Variants in ADCYAP1R1 observed in about 807,000 individuals in gnomAD.
ADCYAP1R1 encodes ADCYAP receptor type I.
Under a neutral mutation model 67.6 loss-of-function variants are expected in ADCYAP1R1, and 44 were observed. That is an observed-to-expected ratio of 0.65 (90% CI 0.51 to 0.84). ADCYAP1R1 has a LOEUF of 0.84. ADCYAP1R1 is among the 40% of genes least tolerant of loss of function. The probability of loss-of-function intolerance (pLI) is 0.00; values close to 1 mark genes in which losing one functional copy is unlikely to be tolerated. For synonymous variants in ADCYAP1R1, 222 were observed against 219.6 expected, an observed-to-expected ratio of 1.01 and a Z score of -0.10; for missense variants, 477 against 587.9, an observed-to-expected ratio of 0.81 and a Z score of 1.95.
At chr7:31,067,369 A>G (rs189553547) in intron 3 of ADCYAP1R1, among the ~76,000 whole-genome samples, 92 of 151,998 alleles carry the variant, frequency 6.1e-4, no homozygotes, top group Admixed American at 1.6e-3. Flanking sequence ...TGGACCACCA[A>G]CTCCATGACC....
intron 3 of ADCYAP1R1, among the ~76,000 whole-genome samples, chr7:31,066,863 G>T (rs1421589874): frequency 6.6e-6 from 1 of 152,238 alleles, no homozygotes; most frequent in African/African-American, 2.4e-5. Flanking sequence ...TCCACAAGAG[G>T]CAGGAGCCTG....
In ADCYAP1R1 at chr7:31,102,048, C is replaced by T. The variant is rs1796461047; in HGVS notation, c.1047-1189C>T. ...CCTCTCTGAATGTAAGCTAGGAAGT[C>T]AAGGGCCTCACACAGACTCCAAGAG... On this transcript the variant is annotated intron_variant, in intron 13 of 15. Coordinates refer to ENST00000304166, the MANE Select transcript of ADCYAP1R1 (RefSeq NM_001118.5). The surrounding 1 kb of genome is among the most constrained non-coding windows in gnomAD (Gnocchi z 4.3). 6.6e-6 allele frequency among the ~76,000 whole-genome samples: 1 copy of T among 152,224 alleles called. No individual in the cohort carries two copies. The highest frequency in any genetic ancestry group is 2.4e-5 in the African/African-American group (1 of 41,460).
chr7:31,063,503 C>G (rs578092058), intron 2 of ADCYAP1R1, among the ~76,000 whole-genome samples, 188 bp downstream of exon 2: 83 of 152,344 alleles, frequency 5.4e-4, no homozygotes, highest in African/African-American at 1.9e-3. Context: ...AGACCCTGTA[C>G]TGATTTGACC....
intron 1 of ADCYAP1R1, among the ~76,000 whole-genome samples, chr7:31,061,297 C>T (rs571032116): frequency 7.6e-4 from 116 of 152,370 alleles, no homozygotes; most frequent in Non-Finnish European, 1.1e-3. Flanking sequence ...TCCCTCGCAG[C>T]CAGGCAAGTC....
At chr7:31,071,402 C>T (rs923188617) in intron 3 of ADCYAP1R1, among the ~76,000 whole-genome samples, 56 of 152,136 alleles carry the variant, frequency 3.7e-4, no homozygotes, top group African/African-American at 1.1e-3. Flanking sequence ...CTCCCCATGT[C>T]CCCCAGTGGG....
intron 12 of ADCYAP1R1, among the ~76,000 whole-genome samples, chr7:31,091,341 A>G (rs1054310001): frequency 1.3e-5 from 2 of 152,178 alleles, no homozygotes; most frequent in African/African-American, 4.8e-5. Context: ...ATAATTTGCA[A>G]ATATATTCTC....
intron 6 of ADCYAP1R1, among the ~76,000 whole-genome samples, chr7:31,082,120 T>C (rs2128628481): frequency 6.6e-6 from 1 of 152,380 alleles, no homozygotes; most frequent in East Asian, 1.9e-4. Context: ...CCCAGGTTCC[T>C]GGCAGTCTCT....
intron 1 of ADCYAP1R1, 74 bp from the exon 2 acceptor site, chr7:31,063,120 T>C: frequency 1.2e-6 from 1 of 844,488 alleles, no homozygotes; most frequent in South Asian, 1.6e-5. Context: ...GCTGGGGGAA[T>C]AAGGAAGGGA....
At chr7:31,080,131 C>T (rs1795454304) in intron 4 of ADCYAP1R1, among the ~76,000 whole-genome samples, 2 of 152,212 alleles carry the variant, frequency 1.3e-5, no homozygotes, top group South Asian at 4.1e-4. Context: ...TTTCTTAAGA[C>T]ACACTTTCCT....
At chr7:31,064,480 T>G (rs1794647170) in intron 2 of ADCYAP1R1, among the ~76,000 whole-genome samples, 1 of 152,228 alleles carries the variant, frequency 6.6e-6, no homozygotes, top group South Asian at 2.1e-4. Context: ...TAGTACTTCA[T>G]AGTACTCTCC....
Position 31,066,081 on chromosome 7 carries a change from G to GA in ADCYAP1R1, c.157+1145_157+1146insA, listed in dbSNP as rs1282209040. Among the ~76,000 whole-genome samples, 7 of 358 alleles carry GA rather than the reference G, an allele frequency of 0.02. No homozygotes were observed. The East Asian group carries it at 0.5, about 26-fold the overall frequency. 0.2% of individuals were successfully genotyped at this position (358 alleles called of 152,430 possible). ...CACCAGTGAGGGAAACTGAGGCAGG[G>GA]GGCCAGAAGGGCACACAGTTGGAGG... On this transcript the variant is annotated intron_variant, in intron 3 of 15. Coordinates refer to ENST00000304166, the MANE Select transcript of ADCYAP1R1 (RefSeq NM_001118.5).
intron 3 of ADCYAP1R1, among the ~76,000 whole-genome samples, chr7:31,068,787 G>A (rs1794852743): frequency 6.6e-6 from 1 of 152,150 alleles, no homozygotes; most frequent in South Asian, 2.1e-4. Flanking sequence ...GGCTGAGGTT[G>A]GGGGACTCCC....
At chr7:31,100,109 T>C in intron 13 of ADCYAP1R1, 1 of 1,549,980 alleles carries the variant, frequency 6.5e-7, no homozygotes, top group South Asian at 1.2e-5. Context: ...ACAGAAGTGC[T>C]AATCTTGTCA....
chr7:31,086,304 G>A lies in ADCYAP1R1; in HGVS notation c.670-80G>A. ...GGGATGTTTGAACCTGAGCATGCCAGAGCCAACGGGCCCTAGGATTCTCCC... is the reference window on the plus strand; with the variant it reads ...GGGATGTTTGAACCTGAGCATGCCAAAGCCAACGGGCCCTAGGATTCTCCC... On this transcript the variant is annotated intron_variant, in intron 9 of 15. Transcript: ENST00000304166. The surrounding 1 kb of genome is among the most constrained non-coding windows in gnomAD (Gnocchi z 5.0). The A allele has an allele frequency of 1.4e-6, 2 of 1,465,454 alleles. No homozygotes were observed. Among genetic ancestry groups the A allele is most frequent in the Middle Eastern group, 2.4e-4 (1 of 4,110 alleles). 90.8% of individuals were successfully genotyped at this position (1,465,454 alleles called of 1,614,324 possible).
rs111473813 is a variant in ADCYAP1R1, at chr7:31,092,777, C to T, written c.1046+42C>T. On this transcript the variant is annotated intron_variant, in intron 13 of 15. Transcript: ENST00000304166. The stretch of plus-strand genomic sequence containing the variant: ...GGCTGCCACAGCCATTTCTGACAGC[C>T]GAGCGGGCCCTGCATTCAGGTCACA... The T allele has an allele frequency of 4.4e-3, 6,545 of 1,484,998 alleles. 234 individuals carry two copies. In the African/African-American group the frequency reaches 0.079, roughly 18 times the overall value. The allele number at this position is 1,484,998 out of a possible 1,614,324, so 92.0% of individuals were successfully genotyped here.
At chr7:31,075,484 C>T (rs1795170563) in intron 3 of ADCYAP1R1, among the ~76,000 whole-genome samples, 1 of 152,154 alleles carries the variant, frequency 6.6e-6, no homozygotes, top group African/African-American at 2.4e-5. Flanking sequence ...CCACCATCCT[C>T]TGCCACTCTC....
chr7:31,103,988 C>T (rs1415906378), intron 14 of ADCYAP1R1, among the ~76,000 whole-genome samples: 1 of 152,154 alleles, frequency 6.6e-6, no homozygotes, highest in African/African-American at 2.4e-5. Flanking sequence ...GAGCGCCTCT[C>T]CCTAAGCCAG....
chr7:31,078,155 G>C, intron 4 of ADCYAP1R1, 57 bp downstream of exon 4: 3 of 1,452,788 alleles, frequency 2.1e-6, no homozygotes, highest in Non-Finnish European at 2.8e-6. Flanking sequence ...CCCAAATTCG[G>C]CCCCAGGCAA....
At chr7:31,085,218 G>A (rs1215710643) in intron 8 of ADCYAP1R1, 92 bp from the exon 9 acceptor site, 1 of 1,514,680 alleles carries the variant, frequency 6.6e-7, no homozygotes, top group African/African-American at 1.4e-5. Context: ...CTGAGATAAA[G>A]CCACAGAGTT....
Sources: allele counts gnomAD v4.1 joint callset (sites outside exome capture counted in the v4.1 genomes callset), GRCh38; gene constraint gnomAD v4.1.1; non-coding constraint Gnocchi (gnomAD v3.1); transcripts MANE v1.5; gene names NCBI Gene and HGNC (gene_info 2026-07-23, HGNC 2026-07-21).